NPEPL1: variants seen among roughly 807,000 people sequenced by gnomAD.
NPEPL1 encodes the protein aminopeptidase like 1.
A neutral mutation model predicts 52.4 loss-of-function variants in NPEPL1; 45 were observed. The observed-to-expected ratio is 0.86, with a 90% CI of 0.68 to 1.10. NPEPL1 has a LOEUF of 1.10. Ranked by LOEUF, NPEPL1 falls within the 50% of genes least tolerant of loss-of-function variation. The probability of loss-of-function intolerance (pLI) is 0.00; values close to 1 mark genes in which losing one functional copy is unlikely to be tolerated. For missense variants in NPEPL1, 696 were observed against 710.9 expected, an observed-to-expected ratio of 0.98 and a Z score of 0.24; for synonymous variants, 360 against 314.7, an observed-to-expected ratio of 1.14 and a Z score of -1.52.
chr20:58,698,615 C>T (rs1457175981), intron 3 of NPEPL1, 69 bp from the exon 4 acceptor site: 1 of 1,296,400 alleles, frequency 7.7e-7, no homozygotes, highest in Non-Finnish European at 1.1e-6. Flanking sequence ...CCTTTTGTTC[C>T]TGGGGGATGG....
At chr20:58,691,630 T>C (rs1241545992), upstream of NPEPL1, 4 of 660,382 alleles carry the variant, frequency 6.1e-6, no homozygotes, top group African/African-American at 1.8e-5. Context: ...GGGAGGTCAG[T>C]GGTGGAAAAC....
At chr20:58,712,695 T>C (rs991639086) in intron 8 of NPEPL1, 116 bp downstream of exon 8, 12 of 782,322 alleles carry the variant, frequency 1.5e-5, no homozygotes, top group Non-Finnish European at 2.7e-5. Flanking sequence ...TGGGGTCCCC[T>C]GGGCAGCAGG....
chr20:58,694,311 T>G (rs1170961401), intron 2 of NPEPL1, 111 bp from the exon 3 acceptor site: 4 of 1,126,054 alleles, frequency 3.6e-6, no homozygotes, highest in African/African-American at 3.1e-5. Context: ...CATCTCTGTC[T>G]AGATGTCACC....
At chr20:58,712,427 C>CT in intron 7 of NPEPL1, 52 bp from the exon 8 acceptor site, 1 of 1,267,454 alleles carries the variant, frequency 7.9e-7, no homozygotes, top group African/African-American at 1.5e-5. Flanking sequence ...GTCCTCCCCC[C>CT]TCCCCAAACC....
chr20:58,693,321 G>T (rs75040444), intron 1 of NPEPL1: 64,546 of 162,260 alleles, frequency 0.4, 13,125 homozygotes, highest in East Asian at 0.44. Flanking sequence ...GGCGGGGGGG[G>T]AGACGTGGCC....
At position 58,704,169 on chromosome 20, in the gene NPEPL1, C is replaced by T. The variant is rs112270102; in HGVS notation, c.823-2954C>T. On this transcript the variant is annotated intron_variant, in intron 6 of 11. Coordinates refer to ENST00000356091, the MANE Select transcript of NPEPL1 (RefSeq NM_024663.4). ...CTCTCCCCAACGGCCTGGTGTGAAA[C>T]GCAGACGCAACGCAGCAGGCATTCT... is the stretch of plus-strand genomic sequence containing the variant. 27 of 985,352 alleles carry T rather than the reference C, an allele frequency of 2.7e-5. 1 individual carries two copies. In the African/African-American group the frequency reaches 3.0e-4, roughly 11 times the overall value. 61.0% of individuals were successfully genotyped at this position (985,352 alleles called of 1,614,324 possible).
At chr20:58,703,060 C>T (rs556098791) in intron 6 of NPEPL1, among the ~76,000 whole-genome samples, 6 of 152,280 alleles carry the variant, frequency 3.9e-5, no homozygotes, top group South Asian at 2.1e-4. Flanking sequence ...TCCTCTGTTT[C>T]GACACCGGGA....
At chr20:58,707,559 C>T (rs549743217) in intron 7 of NPEPL1, among the ~76,000 whole-genome samples, 6 of 152,354 alleles carry the variant, frequency 3.9e-5, no homozygotes, top group East Asian at 3.9e-4. Context: ...GTACCCCTCC[C>T]GCAACCCTTC....
chr20:58,698,831 C>G, intron 4 of NPEPL1, 58 bp downstream of exon 4: 4 of 1,428,956 alleles, frequency 2.8e-6, no homozygotes. Context: ...TCATAGACTC[C>G]CAGGAGAGCC....
rs1220438728 is a variant in NPEPL1, at chr20:58,694,580, G to A, written c.495G>A (p.Val165=). The part of the protein sequence containing the change: ...LVGQDNGPVE[V]STLQCLANAT... ...GACAAGACAACGGGCCGGTGGAGGTGTCCACATTGCAGGTGGGTGTCTGGA... is the reference window on the plus strand; with the variant it reads ...GACAAGACAACGGGCCGGTGGAGGTATCCACATTGCAGGTGGGTGTCTGGA... Residue 165 remains valine (V), a synonymous_variant, in exon 3 of 12, where the codon GTG becomes GTA. Coordinates refer to ENST00000356091, the MANE Select transcript of NPEPL1 (RefSeq NM_024663.4). The A allele has an allele frequency of 1.9e-6, 3 of 1,612,724 alleles. No homozygotes were observed. In the Admixed American group the frequency reaches 5.0e-5, roughly 27 times the overall value.
At chr20:58,708,063 G>A (rs1323396675) in intron 7 of NPEPL1, among the ~76,000 whole-genome samples, 1 of 129,688 alleles carries the variant, frequency 7.7e-6, no homozygotes, top group East Asian at 1.9e-4. Flanking sequence ...CAGCCTGGGA[G>A]ATAGAGCGAG....
chr20:58,695,148 G>T (rs1171719180), intron 3 of NPEPL1, among the ~76,000 whole-genome samples: 60 of 57,390 alleles, frequency 1.0e-3, no homozygotes, highest in African/African-American at 3.7e-3. Context: ...GTGTGTGTGT[G>T]GTGTGCATGT....
chr20:58,695,046 A>G (rs1394111115), intron 3 of NPEPL1, among the ~76,000 whole-genome samples: 56 of 8,090 alleles, frequency 6.9e-3, no homozygotes, highest in Non-Finnish European at 0.012. Context: ...GTTGCTGTGT[A>G]TGTTTGCTGG....
At chr20:58,689,232 C>G (rs1424998086), upstream of NPEPL1, 2 of 152,190 alleles carry the variant, frequency 1.3e-5, no homozygotes, top group African/African-American at 4.8e-5. Context: ...ATTTTATGCG[C>G]ACTTTATATC....
chr20:58,701,856 C>T (rs909642575), intron 6 of NPEPL1, among the ~76,000 whole-genome samples: 1 of 152,170 alleles, frequency 6.6e-6, no homozygotes, highest in African/African-American at 2.4e-5. Flanking sequence ...GAAGCCTGTC[C>T]CGTGGTACGG....
intron 1 of NPEPL1, 87 bp from the exon 2 acceptor site, chr20:58,693,650 G>C: frequency 8.2e-7 from 1 of 1,218,102 alleles, no homozygotes; most frequent in East Asian, 2.4e-5. Context: ...CTGCAGGAGT[G>C]GTTGTGGCCG....
intron 6 of NPEPL1, chr20:58,703,963 T>C (rs1224488693): frequency 1.0e-6 from 1 of 985,362 alleles, no homozygotes; most frequent in Non-Finnish European, 1.2e-6. Flanking sequence ...CTGGCACCAG[T>C]GAAACAATAC....
At chr20:58,695,752 C>T (rs544879064) in intron 3 of NPEPL1, among the ~76,000 whole-genome samples, 77 of 152,206 alleles carry the variant, frequency 5.1e-4, no homozygotes, top group African/African-American at 1.8e-3. Context: ...CCCTTTTTTC[C>T]CTTCGTCTCT....
rs2084937175 is a variant in NPEPL1, at chr20:58,715,731, A to G, written c.*405A>G. Reference sequence around the variant, plus strand: ...CGCATCCAGCCAGCCCAGCCCTGTGAAAGATGGAGCTGACTTGCTGCAGGG... The same window carrying G: ...CGCATCCAGCCAGCCCAGCCCTGTGGAAGATGGAGCTGACTTGCTGCAGGG... On this transcript the variant is annotated 3_prime_UTR_variant, in exon 12 of 12. Transcript: ENST00000356091. 6.2e-6 allele frequency: 1 copy of G among 162,470 alleles called. No individual in the cohort carries two copies. The highest frequency in any genetic ancestry group is 2.4e-5 in the African/African-American group (1 of 41,710). The allele number at this position is 162,470 out of a possible 1,614,324, so 10.1% of individuals were successfully genotyped here.
Sources: allele counts gnomAD v4.1 joint callset (sites outside exome capture counted in the v4.1 genomes callset), GRCh38; gene constraint gnomAD v4.1.1; transcripts MANE v1.5; gene names NCBI Gene and HGNC (gene_info 2026-07-23, HGNC 2026-07-21).